DCUN1D3: variants seen among roughly 807,000 people sequenced by gnomAD.
The protein encoded by DCUN1D3 is DCN1-like protein 3.
Under a neutral mutation model 24.8 loss-of-function variants are expected in DCUN1D3, and 6 were observed. That is an observed-to-expected ratio of 0.24 (90% CI 0.13 to 0.48). The LOEUF (loss-of-function observed/expected upper bound fraction) is 0.48. Ranked by LOEUF, DCUN1D3 falls within the 20% of genes least tolerant of loss-of-function variation. The probability of loss-of-function intolerance (pLI) is 0.99; values close to 1 mark genes in which losing one functional copy is unlikely to be tolerated. For synonymous variants in DCUN1D3, 120 were observed against 144.9 expected (o/e 0.83, Z 1.24); for missense variants, 258 against 379.4 (o/e 0.68, Z 2.66).
chr16:20,877,263 A>C (rs1365873101), intron 1 of DCUN1D3, among the ~76,000 whole-genome samples: 5 of 152,154 alleles, frequency 3.3e-5, no homozygotes, highest in African/African-American at 1.2e-4. Context: ...TGCGATGAAA[A>C]AAAAAAGGTC....
At chr16:20,868,760 G>C (rs184835063) in intron 1 of DCUN1D3, 1 of 152,338 alleles carries the variant, frequency 6.6e-6, no homozygotes, top group East Asian at 1.9e-4. Flanking sequence ...ACACAAATGG[G>C]TTGAATGGAG....
rs925873478 is a variant in DCUN1D3, at chr16:20,855,951, T to C, written c.*3935A>G. ...TGTTCAAGTCCCCCAAGGAAGACCT[T>C]TGTCAGTTACCAAGATGCTCAAGTC... On this transcript the variant is annotated 3_prime_UTR_variant, in exon 3 of 3. Transcript: ENST00000324344. The C allele has an allele frequency of 1.3e-5, 2 of 152,320 alleles. No individual in the cohort carries two copies. Among genetic ancestry groups the C allele is most frequent in the South Asian group, 2.1e-4 (1 of 4,832 alleles). 9.4% of individuals were successfully genotyped at this position (152,320 alleles called of 1,614,324 possible). A position where few individuals can be genotyped will look rare whatever the true frequency, so the allele number is the denominator to read the frequency against.
Position 20,860,047 on chromosome 16 carries a change from C to A in DCUN1D3, c.754G>T (p.Val252Leu). The change falls in exon 3 of 3, where the codon GTG becomes TTG. Residue 252 changes from valine (V) to leucine (L), a missense_variant. Val to Leu is a conservative substitution (Grantham distance 32). Coordinates refer to ENST00000324344, the MANE Select transcript of DCUN1D3 (RefSeq NM_173475.4). This position sits in a 1 kb window ranked among gnomAD's most constrained non-coding sequence, Gnocchi z 4.3. The stretch of plus-strand genomic sequence containing the variant: ...TAGTTGCTGAGGTCAGGGCCAATCA[C>A]CTGAGTGAAGTTAAGGAACATGTTC... The part of the protein sequence containing the change: ...TWNMFLNFTQ[V>L]IGPDLSNYSE... The A allele has an allele frequency of 6.2e-7, 1 of 1,614,252 alleles. No homozygotes were observed. The highest frequency in any genetic ancestry group is 8.5e-7 in the Non-Finnish European group (1 of 1,180,046).
chr16:20,884,418 G>C (rs1171484289), intron 1 of DCUN1D3, among the ~76,000 whole-genome samples: 1 of 152,136 alleles, frequency 6.6e-6, no homozygotes, highest in Non-Finnish European at 1.5e-5. Context: ...TCCCCTTTCA[G>C]AATGTATCCA....
chr16:20,860,435 G>T lies in DCUN1D3; in HGVS notation c.432-66C>A. On this transcript the variant is annotated intron_variant, in intron 2 of 2. Coordinates refer to ENST00000324344, the MANE Select transcript of DCUN1D3 (RefSeq NM_173475.4). The surrounding 1 kb of genome is among the most constrained non-coding windows in gnomAD (Gnocchi z 4.3). ...ATACTATTTACAGGCAATATACATA[G>T]TGATTAAGAGCAAGGCTTTCAGGCC... 6.7e-7 allele frequency: 1 copy of T among 1,494,712 alleles called. No individual in the cohort carries two copies. The highest frequency in any genetic ancestry group is 8.9e-7 in the Non-Finnish European group (1 of 1,119,116). 92.6% of individuals were successfully genotyped at this position (1,494,712 alleles called of 1,614,324 possible). A position where few individuals can be genotyped will look rare whatever the true frequency, so the allele number is the denominator to read the frequency against.
intron 1 of DCUN1D3, among the ~76,000 whole-genome samples, chr16:20,872,123 T>C (rs773504280): frequency 4.6e-5 from 7 of 152,252 alleles, no homozygotes; most frequent in Non-Finnish European, 7.3e-5. Flanking sequence ...CCTGGAGGTT[T>C]ACCTGATTGT....
chr16:20,895,796 A>G, intron 1 of DCUN1D3, among the ~76,000 whole-genome samples: 1 of 152,246 alleles, frequency 6.6e-6, no homozygotes. Context: ...AGAGCTCCAG[A>G]ACAGTCTAAA....
intron 1 of DCUN1D3, among the ~76,000 whole-genome samples, chr16:20,875,676 T>C (rs903004109): frequency 6.6e-6 from 1 of 152,164 alleles, no homozygotes; most frequent in Non-Finnish European, 1.5e-5. Context: ...ATGAAACTAC[T>C]AGAAGAAAAC....
intron 1 of DCUN1D3, among the ~76,000 whole-genome samples, chr16:20,898,108 C>T (rs1470979847): frequency 6.6e-6 from 1 of 152,178 alleles, no homozygotes; most frequent in Non-Finnish European, 1.5e-5. Flanking sequence ...CCCTTTCTTC[C>T]CATTCCCTGG....
intron 1 of DCUN1D3, among the ~76,000 whole-genome samples, chr16:20,869,828 A>G (rs561915553): frequency 6.6e-6 from 1 of 151,954 alleles, no homozygotes; most frequent in South Asian, 2.1e-4. Context: ...CAGCCAATGG[A>G]GGAGAAGGAT....
chr16:20,878,216 A>C (rs1362703667), intron 1 of DCUN1D3, among the ~76,000 whole-genome samples: 2 of 152,138 alleles, frequency 1.3e-5, no homozygotes, highest in African/African-American at 4.8e-5. Flanking sequence ...TTACCTTATG[A>C]GTTTCTCAGA....
chr16:20,886,408 A>C (rs887863053), intron 1 of DCUN1D3, among the ~76,000 whole-genome samples: 1 of 152,200 alleles, frequency 6.6e-6, no homozygotes, highest in African/African-American at 2.4e-5. Flanking sequence ...GCTTCTTTAA[A>C]AACTGCATCT....
rs976440373 is a variant in DCUN1D3, at chr16:20,880,708, C to T, written c.-105-18065G>A. Among the ~76,000 whole-genome samples the T allele has an allele frequency of 3.3e-5, 5 of 150,922 alleles. No homozygotes were observed. The East Asian group carries it at 7.8e-4, about 23-fold the overall frequency. On this transcript the variant is annotated intron_variant, in intron 1 of 2. Transcript: ENST00000324344. ...TCTAAAGAATCAAATGGAAAATAAG[C>T]ACCTACTATGTCCCTAGTGCACTGC...
In DCUN1D3 at chr16:20,857,110, G is replaced by T. The variant is rs2081706245; in HGVS notation, c.*2776C>A. 1 of 152,106 alleles carries T rather than the reference G, an allele frequency of 6.6e-6. No homozygotes were observed. The highest frequency in any genetic ancestry group is 2.1e-4 in the South Asian group (1 of 4,820). 9.4% of individuals were successfully genotyped at this position (152,106 alleles called of 1,614,324 possible). A position where few individuals can be genotyped will look rare whatever the true frequency, so the allele number is the denominator to read the frequency against. ...CAAACCCTACACACACCTCACCTTG[G>T]ATCCCTTTGCAGAAAAACTGCATTT... On this transcript the variant is annotated 3_prime_UTR_variant, in exon 3 of 3. Coordinates refer to ENST00000324344, the MANE Select transcript of DCUN1D3 (RefSeq NM_173475.4).
intron 1 of DCUN1D3, among the ~76,000 whole-genome samples, chr16:20,884,079 A>C (rs1268125103): frequency 6.6e-6 from 1 of 152,190 alleles, no homozygotes. Context: ...ATGGCTTGTA[A>C]AGGTACTGAC....
rs564464116 is a variant in DCUN1D3 at position 20,860,693 on chromosome 16, G to C, written c.432-324C>G. On this transcript the variant is annotated intron_variant, in intron 2 of 2. Transcript: ENST00000324344. This position sits in a 1 kb window ranked among gnomAD's most constrained non-coding sequence, Gnocchi z 4.3. Reference sequence around the variant, plus strand: ...TCTCCTGCTCCCTGCCCTGTTTCCCGCTCTGCAATAGCGATTAAGCTGCGG... The same window carrying C: ...TCTCCTGCTCCCTGCCCTGTTTCCCCCTCTGCAATAGCGATTAAGCTGCGG... Among the ~76,000 whole-genome samples, 4 of 152,188 alleles carry C rather than the reference G, an allele frequency of 2.6e-5. No homozygotes were observed. The South Asian group carries it at 8.3e-4, about 32-fold the overall frequency.
At chr16:20,895,150 C>T (rs1373015485) in intron 1 of DCUN1D3, among the ~76,000 whole-genome samples, 1 of 152,190 alleles carries the variant, frequency 6.6e-6, no homozygotes, top group East Asian at 1.9e-4. Context: ...GGCTGGAGTG[C>T]AGCAGCTCCA....
chr16:20,872,290 A>G (rs1388095336), intron 1 of DCUN1D3, among the ~76,000 whole-genome samples: 8 of 152,212 alleles, frequency 5.3e-5, no homozygotes, highest in African/African-American at 4.8e-5. Flanking sequence ...GGAAATTATG[A>G]AATGAGTCCA....
chr16:20,878,703 G>A (rs2081828115), intron 1 of DCUN1D3, among the ~76,000 whole-genome samples: 1 of 152,234 alleles, frequency 6.6e-6, no homozygotes, highest in African/African-American at 2.4e-5. Flanking sequence ...CTCATGGCCA[G>A]TGTTACACCT....
Sources: allele counts gnomAD v4.1 joint callset (sites outside exome capture counted in the v4.1 genomes callset), GRCh38; gene constraint gnomAD v4.1.1; non-coding constraint Gnocchi (gnomAD v3.1); transcripts MANE v1.5; gene names NCBI Gene and HGNC (gene_info 2026-07-23, HGNC 2026-07-21).